ATXN10: variants seen among roughly 807,000 people sequenced by gnomAD.
ATXN10 encodes the protein ataxin-10.
Under a neutral mutation model 52.9 loss-of-function variants are expected in ATXN10, and 28 were observed. That is an observed-to-expected ratio of 0.53 (90% CI 0.39 to 0.73). The LOEUF is 0.73. Among genes scored for constraint, ATXN10 ranks in the 30% least tolerant of loss-of-function variants. The probability of loss-of-function intolerance (pLI) is 0.00; values close to 1 mark genes in which losing one functional copy is unlikely to be tolerated. For synonymous variants in ATXN10, 226 were observed against 221.5 expected (o/e 1.02, Z -0.18); for missense variants, 565 against 577.0 (o/e 0.98, Z 0.21).
At chr22:45,748,087 G>C (rs1925804870) in intron 9 of ATXN10, among the ~76,000 whole-genome samples, 1 of 152,070 alleles carries the variant, frequency 6.6e-6, no homozygotes, top group Non-Finnish European at 1.5e-5. Flanking sequence ...GCTGAGGTGG[G>C]ACGGTTGATT....
In ATXN10 at chr22:45,774,943, A is replaced by G. The variant is rs1198528778; in HGVS notation, c.1174-32016A>G. On this transcript the variant is annotated intron_variant, in intron 9 of 11. Transcript: ENST00000252934. The surrounding 1 kb of genome is among the most constrained non-coding windows in gnomAD (Gnocchi z 6.2). ...TGACAGAGTGAGACTCTGTCTCAAAACAAACAAATAAATAAATAAAGGCAG... is the reference window on the plus strand; with the variant it reads ...TGACAGAGTGAGACTCTGTCTCAAAGCAAACAAATAAATAAATAAAGGCAG... 1.3e-5 allele frequency among the ~76,000 whole-genome samples: 2 copies of G among 152,134 alleles called. No individual in the cohort carries two copies. Among genetic ancestry groups the G allele is most frequent in the Non-Finnish European group, 2.9e-5 (2 of 68,024 alleles).
chr22:45,784,755 G>A lies in ATXN10; in HGVS notation c.1174-22204G>A, dbSNP rs892081069. ...CTGCTGTGTGGCAGATTCCCAGCAC[G>A]GGCTGGACACTTGAGCTCCCAGCAA... On this transcript the variant is annotated intron_variant, in intron 9 of 11. Coordinates refer to ENST00000252934, the MANE Select transcript of ATXN10 (RefSeq NM_013236.4). This position sits in a 1 kb window ranked among gnomAD's most constrained non-coding sequence, Gnocchi z 4.2. 1.3e-5 allele frequency among the ~76,000 whole-genome samples: 2 copies of A among 152,168 alleles called. No homozygotes were observed. The highest frequency in any genetic ancestry group is 2.9e-5 in the Non-Finnish European group (2 of 68,028).
chr22:45,814,957 C>T (rs986210593), intron 10 of ATXN10, among the ~76,000 whole-genome samples: 6 of 152,192 alleles, frequency 3.9e-5, no homozygotes, highest in African/African-American at 4.8e-5. Flanking sequence ...CACCCCCATC[C>T]GTCCTGGAAA....
intron 10 of ATXN10, among the ~76,000 whole-genome samples, chr22:45,827,844 A>G (rs9626204): frequency 0.018 from 2,682 of 152,334 alleles, 47 homozygotes; most frequent in African/African-American, 0.041. Context: ...AGTGCACAGA[A>G]GACATTTTCC....
intron 1 of ATXN10, chr22:45,674,695 C>G (rs1441103865): frequency 3.3e-5 from 5 of 152,146 alleles, no homozygotes; most frequent in Admixed American, 3.3e-4. Flanking sequence ...AAAAGCCAGG[C>G]AAAATGAGTC....
chr22:45,753,403 TTTTTTTTTTTTTTTTTTTTTTTG>T (rs1926060593), intron 9 of ATXN10, among the ~76,000 whole-genome samples: 1 of 92,374 alleles, frequency 1.1e-5, no homozygotes. Context: ...TTTTTTTTTT[TTTTTTTTTTTTTTTTTTTTTTTG>T]AGACAGAGTC....
At chr22:45,738,915 C>A (rs1469782109) in intron 8 of ATXN10, 76 bp downstream of exon 8, 2 of 1,275,256 alleles carry the variant, frequency 1.6e-6, no homozygotes, top group Admixed American at 1.7e-5. Context: ...AATCCAAATA[C>A]AAATCCTTAA....
At chr22:45,731,514 C>T (rs1569040527) in intron 7 of ATXN10, among the ~76,000 whole-genome samples, 2 of 152,048 alleles carry the variant, frequency 1.3e-5, no homozygotes, top group Non-Finnish European at 2.9e-5. Flanking sequence ...TAGAGAGTTC[C>T]TTTGTATGCT....
intron 1 of ATXN10, among the ~76,000 whole-genome samples, chr22:45,682,359 C>T (rs900933702): frequency 1.3e-5 from 2 of 152,050 alleles, no homozygotes; most frequent in East Asian, 1.9e-4. Context: ...CTCTGTCACC[C>T]AGGCTGGAGT....
At chr22:45,699,881 C>G (rs2146751422) in intron 3 of ATXN10, among the ~76,000 whole-genome samples, 1 of 147,538 alleles carries the variant, frequency 6.8e-6, no homozygotes, top group Non-Finnish European at 1.5e-5. Context: ...GAGTCTCACT[C>G]TGTCTCCCAG....
chr22:45,697,521 A>C (rs1475892039), intron 3 of ATXN10, among the ~76,000 whole-genome samples: 1 of 152,204 alleles, frequency 6.6e-6, no homozygotes, highest in Non-Finnish European at 1.5e-5. Context: ...ACTACTTAGC[A>C]TTCTGTCTCT....
At position 45,701,514 on chromosome 22, in the gene ATXN10, G is replaced by T. The variant is rs2146753543; in HGVS notation, c.488+1136G>T. ...TCCTGCAAATAATTAAGAGTTGAAG[G>T]TGTATATATATTAATGTTACATATA... On this transcript the variant is annotated intron_variant, in intron 4 of 11. Transcript: ENST00000252934. This position sits in a 1 kb window ranked among gnomAD's most constrained non-coding sequence, Gnocchi z 4.2. 6.6e-6 allele frequency among the ~76,000 whole-genome samples: 1 copy of T among 152,236 alleles called. No homozygotes were observed.
intron 9 of ATXN10, among the ~76,000 whole-genome samples, chr22:45,742,546 C>G (rs1925575996): frequency 6.6e-6 from 1 of 151,654 alleles, no homozygotes; most frequent in African/African-American, 2.4e-5. Context: ...AAAAAAAATA[C>G]CGAATGTGCT....
chr22:45,688,845 A>C lies in ATXN10; in HGVS notation c.117-867A>C, dbSNP rs948183760. Among the ~76,000 whole-genome samples, 1 of 152,162 alleles carries C rather than the reference A, an allele frequency of 6.6e-6. No individual in the cohort carries two copies. The highest frequency in any genetic ancestry group is 6.5e-5 in the Admixed American group (1 of 15,280). On this transcript the variant is annotated intron_variant, in intron 1 of 11. Transcript: ENST00000252934. The surrounding 1 kb of genome is among the most constrained non-coding windows in gnomAD (Gnocchi z 4.0). ...GCAACTTTCCTTCTAACGTTAAAAG[A>C]GATTTGCTGTTTCTTTAGGGGATTT...
chr22:45,828,626 C>T lies in ATXN10; in HGVS notation c.1238-14365C>T, dbSNP rs927183533. ...AGAGAGCACTGTGAACAATTGTACA[C>T]CATCAGTTTGGATAATGTAAATGAA... On this transcript the variant is annotated intron_variant, in intron 10 of 11. Transcript: ENST00000252934. The surrounding 1 kb of genome is among the most constrained non-coding windows in gnomAD (Gnocchi z 4.5). 3.9e-5 allele frequency among the ~76,000 whole-genome samples: 6 copies of T among 152,068 alleles called. No homozygotes were observed. The highest frequency in any genetic ancestry group is 9.7e-5 in the African/African-American group (4 of 41,390).
chr22:45,753,598 G>A (rs536960562), intron 9 of ATXN10, among the ~76,000 whole-genome samples: 10 of 151,592 alleles, frequency 6.6e-5, no homozygotes, highest in South Asian at 2.1e-4. Context: ...GTAGAGATGC[G>A]GTTTCACTAT....
intron 10 of ATXN10, among the ~76,000 whole-genome samples, chr22:45,838,637 A>AT (rs1479334645): frequency 1.3e-5 from 2 of 152,214 alleles, no homozygotes; most frequent in African/African-American, 4.8e-5. Context: ...GGCAATGTGA[A>AT]TATTAACTGA....
chr22:45,689,168 T>C (rs1161393424), intron 1 of ATXN10, among the ~76,000 whole-genome samples: 1 of 152,246 alleles, frequency 6.6e-6, no homozygotes, highest in Non-Finnish European at 1.5e-5. Flanking sequence ...GTAGATAGTA[T>C]CCTTGTCCTA....
Position 45,822,105 on chromosome 22 carries a change from C to A in ATXN10, c.1237+15083C>A, listed in dbSNP as rs1182656052. Among the ~76,000 whole-genome samples, 4 of 152,336 alleles carry A rather than the reference C, an allele frequency of 2.6e-5. No homozygotes were observed. In the East Asian group the frequency reaches 7.7e-4, roughly 29 times the overall value. On this transcript the variant is annotated intron_variant, in intron 10 of 11. Coordinates refer to ENST00000252934, the MANE Select transcript of ATXN10 (RefSeq NM_013236.4). ...ATCATAGCCTGCATTCTTTTGTTTCCTGTCATTCAAAATCATGACTCTGAG... is the reference window on the plus strand; with the variant it reads ...ATCATAGCCTGCATTCTTTTGTTTCATGTCATTCAAAATCATGACTCTGAG...
Sources: gnomAD v4.1 joint callset for allele counts (sites outside exome capture counted in the v4.1 genomes callset) on GRCh38, gnomAD v4.1.1 for gene constraint, Gnocchi (gnomAD v3.1) non-coding constraint, MANE v1.5 for transcripts, NCBI Gene and HGNC (gene_info 2026-07-23, HGNC 2026-07-21) for gene names.